The following FRMD6 variants were observed in gnomAD, a reference collection of about 807,000 sequenced individuals.
FRMD6 encodes FERM domain containing 6.
A neutral mutation model predicts 73.2 loss-of-function variants in FRMD6; 37 were observed. The observed-to-expected ratio is 0.51, with a 90% CI of 0.39 to 0.66. FRMD6 has a LOEUF of 0.66. FRMD6 is among the 30% of genes least tolerant of loss of function. The probability of loss-of-function intolerance (pLI) is 0.00; values close to 1 mark genes in which losing one functional copy is unlikely to be tolerated. For synonymous variants in FRMD6, 273 were observed against 282.2 expected (o/e 0.97, Z 0.33); for missense variants, 714 against 780.5 (o/e 0.91, Z 1.02).
At chr14:51,649,906 G>A (rs1892257470), upstream of FRMD6, 1 of 152,088 alleles carries the variant, frequency 6.6e-6, no homozygotes, top group Non-Finnish European at 1.5e-5. Context: ...CTACAGGCAT[G>A]GGCCACCATG....
chr14:51,494,247 C>A (rs1351622022), intron 1 of FRMD6, among the ~76,000 whole-genome samples: 1 of 152,168 alleles, frequency 6.6e-6, no homozygotes, highest in Non-Finnish European at 1.5e-5. Context: ...ATCTAAATAG[C>A]CTCTAAATTA....
chr14:51,536,862 T>C (rs1219241653), intron 1 of FRMD6, among the ~76,000 whole-genome samples: 1 of 152,174 alleles, frequency 6.6e-6, no homozygotes, highest in Admixed American at 6.5e-5. Context: ...TTTGGGTGGA[T>C]TTCTTTTAAA....
the FRMD6 span, among the ~76,000 whole-genome samples, chr14:51,457,423 A>G: frequency 1.3e-5 from 2 of 152,180 alleles, no homozygotes; most frequent in Non-Finnish European, 2.9e-5. Flanking sequence ...TTGATGAAGC[A>G]TTTTTATAAA....
intron 1 of FRMD6, among the ~76,000 whole-genome samples, chr14:51,532,135 G>A (rs998694693): frequency 6.6e-6 from 1 of 152,084 alleles, no homozygotes; most frequent in African/African-American, 2.4e-5. Flanking sequence ...TTGGGAGGCC[G>A]AGGTGGGCGG....
At chr14:51,452,981 G>A in the FRMD6 span, among the ~76,000 whole-genome samples, 1 of 152,302 alleles carries the variant, frequency 6.6e-6, no homozygotes, top group Admixed American at 6.5e-5. Context: ...AGAACGGAAT[G>A]TGACTTGAGA....
chr14:51,514,504 A>T (rs1384782870), intron 1 of FRMD6, among the ~76,000 whole-genome samples: 1 of 152,168 alleles, frequency 6.6e-6, no homozygotes, highest in East Asian at 1.9e-4. Context: ...CCCAGAACTT[A>T]AAGTAAAATA....
At chr14:51,472,032 A>C in the FRMD6 span, among the ~76,000 whole-genome samples, 2 of 152,236 alleles carry the variant, frequency 1.3e-5, no homozygotes, top group Admixed American at 6.5e-5. Flanking sequence ...CCTATGAGGC[A>C]ACTGGACCTG....
At chr14:51,626,494 T>C (rs983070550) in intron 2 of FRMD6, among the ~76,000 whole-genome samples, 1 of 152,230 alleles carries the variant, frequency 6.6e-6, no homozygotes, top group Non-Finnish European at 1.5e-5. Flanking sequence ...CTCTTTTTTC[T>C]TGTAAATAGG....
At chr14:51,580,079 T>C (rs139869686) in intron 2 of FRMD6, among the ~76,000 whole-genome samples, 142 of 152,282 alleles carry the variant, frequency 9.3e-4, no homozygotes, top group African/African-American at 3.2e-3. Context: ...CCTGATTTTG[T>C]AGCATTGTTG....
At chr14:51,674,228 T>C (rs1209854015) in intron 1 of FRMD6, among the ~76,000 whole-genome samples, 2 of 152,168 alleles carry the variant, frequency 1.3e-5, no homozygotes, top group African/African-American at 4.8e-5. Context: ...AGCAACACCA[T>C]GTTTTCTTCA....
In FRMD6 at chr14:51,531,420, C is replaced by T. The variant is rs560245596; in HGVS notation, c.-209-38928C>T. Among the ~76,000 whole-genome samples, 22 of 152,180 alleles carry T rather than the reference C, an allele frequency of 1.4e-4. 1 individual carries two copies. The South Asian group carries it at 4.6e-3, about 32-fold the overall frequency. On this transcript the variant is annotated intron_variant, in intron 1 of 14. Coordinates refer to the FRMD6 transcript ENST00000356218. ...CCATTATTTTCAAAAGTATCAAGGT[C>T]CTGAAAGACTAGGACATATTGAGGT...
At chr14:51,546,883 G>C (rs930966863) in intron 1 of FRMD6, 3 of 151,958 alleles carry the variant, frequency 2.0e-5, no homozygotes, top group Non-Finnish European at 1.5e-5. Context: ...AGAAACCCGG[G>C]TAAAAGAGTG....
At chr14:51,661,966 T>C (rs868785774) in intron 1 of FRMD6, among the ~76,000 whole-genome samples, 6 of 152,280 alleles carry the variant, frequency 3.9e-5, no homozygotes, top group Middle Eastern at 6.8e-3. Context: ...TTGTCAGGGT[T>C]AGGGAGCCTT....
At chr14:51,619,923 C>CG (rs752441734) in intron 2 of FRMD6, among the ~76,000 whole-genome samples, 2 of 152,118 alleles carry the variant, frequency 1.3e-5, no homozygotes, top group Non-Finnish European at 2.9e-5. Context: ...TTCAAGGTGT[C>CG]GCAGAAGGCA....
At chr14:51,717,776 C>G (rs1286253249) in intron 10 of FRMD6, among the ~76,000 whole-genome samples, 1 of 152,052 alleles carries the variant, frequency 6.6e-6, no homozygotes, top group African/African-American at 2.4e-5. Context: ...CTGTGTTTTT[C>G]TTAATTTTAT....
the FRMD6 span, among the ~76,000 whole-genome samples, chr14:51,400,859 C>T: frequency 5.3e-5 from 8 of 152,328 alleles, no homozygotes; most frequent in Middle Eastern, 3.4e-3. Flanking sequence ...AAGAGCCCTT[C>T]TACTACACAG....
chr14:51,515,357 A>C lies in FRMD6; in HGVS notation c.-210+25937A>C, dbSNP rs566977407. 2.6e-5 allele frequency among the ~76,000 whole-genome samples: 4 copies of C among 152,288 alleles called. No homozygotes were observed. The South Asian group carries it at 8.3e-4, about 32-fold the overall frequency. On this transcript the variant is annotated intron_variant, in intron 1 of 14. Transcript: ENST00000356218. ...CCCTTTGCCCAGTGGCAGGACCTCT[A>C]TTCTCCATCCATCACCTTTTGATGC...
At chr14:51,658,100 C>T (rs990427782) in intron 1 of FRMD6, among the ~76,000 whole-genome samples, 4 of 152,172 alleles carry the variant, frequency 2.6e-5, no homozygotes, top group African/African-American at 7.2e-5. Context: ...AAAACCAGCT[C>T]CCTACTATGT....
chr14:51,673,264 GT>G lies in FRMD6; in HGVS notation c.-146-16416del, dbSNP rs1035262631. Among the ~76,000 whole-genome samples, 688 of 148,032 alleles carry G rather than the reference GT, an allele frequency of 4.6e-3. 4 individuals carry two copies. The highest frequency in any genetic ancestry group is 8.0e-3 in the Non-Finnish European group (530 of 66,630). ...AAGATTCTTTCCTCTGCCTTGTGGA[GT>G]TTTTTTTTTTCCACGTTAGCACAGA... On this transcript the variant is annotated intron_variant, in intron 1 of 13. Transcript: ENST00000344768.
Sources: allele counts gnomAD v4.1 joint callset (sites outside exome capture counted in the v4.1 genomes callset), GRCh38; gene constraint gnomAD v4.1.1; transcripts MANE v1.5; gene names NCBI Gene and HGNC (gene_info 2026-07-23, HGNC 2026-07-21).